The following UBE2N variants were observed in gnomAD, a reference collection of about 807,000 sequenced individuals.
UBE2N encodes ubiquitin conjugating enzyme E2 N.
For missense variants in UBE2N, 60 were observed against 192.1 expected, an observed-to-expected ratio of 0.31 and a Z score of 4.07; for synonymous variants, 70 against 69.2, an observed-to-expected ratio of 1.01 and a Z score of -0.06.
At chr12:93,439,606 G>A (rs1296959010) in intron 1 of UBE2N, among the ~76,000 whole-genome samples, 1 of 152,184 alleles carries the variant, frequency 6.6e-6, no homozygotes, top group African/African-American at 2.4e-5. Flanking sequence ...CCACCACACA[G>A]AAGTTTGTAT....
chr12:93,409,947 T>C lies in UBE2N; in HGVS notation c.*92A>G, dbSNP rs1877984804. Reference sequence around the variant, plus strand: ...ATGTCTGGGCTTTTTTATTCTGTAATGTTTCTAAGACTGTGTCCATTAAAT... The same window carrying C: ...ATGTCTGGGCTTTTTTATTCTGTAACGTTTCTAAGACTGTGTCCATTAAAT... On this transcript the variant is annotated 3_prime_UTR_variant, in exon 4 of 4. Coordinates refer to ENST00000318066, the MANE Select transcript of UBE2N (RefSeq NM_003348.4). 3 of 1,304,184 alleles carry C rather than the reference T, an allele frequency of 2.3e-6. No homozygotes were observed. Among genetic ancestry groups the C allele is most frequent in the South Asian group, 2.5e-5 (2 of 79,188 alleles). The allele number at this position is 1,304,184 out of a possible 1,614,324, so 80.8% of individuals were successfully genotyped here. A position where few individuals can be genotyped will look rare whatever the true frequency, so the allele number is the denominator to read the frequency against.
At chr12:93,424,303 A>C (rs1260768740) in intron 1 of UBE2N, 1 of 152,252 alleles carries the variant, frequency 6.6e-6, no homozygotes, top group African/African-American at 2.4e-5. Flanking sequence ...TTCTGGTTTC[A>C]AATGCAGCAA....
In UBE2N at chr12:93,416,446, T is replaced by C. The variant is rs563931727; in HGVS notation, c.31-5147A>G. Among the ~76,000 whole-genome samples the C allele has an allele frequency of 6.1e-4, 91 of 149,074 alleles. 2 individuals are homozygous for C. The highest frequency in any genetic ancestry group is 2.1e-3 in the African/African-American group (87 of 40,892). ...GCTAAAATTCCTACTGTTTCACTTA[T>C]CTATCTTTTTTTTTTTTTTTGAGAC... On this transcript the variant is annotated intron_variant, in intron 1 of 3. Transcript: ENST00000318066.
chr12:93,440,203 G>T (rs1398833443), intron 1 of UBE2N, among the ~76,000 whole-genome samples: 7 of 152,050 alleles, frequency 4.6e-5, no homozygotes, highest in Non-Finnish European at 1.0e-4. Flanking sequence ...TTGATGTATG[G>T]CTCTATCACT....
chr12:93,410,621 CT>C, intron 3 of UBE2N, 112 bp downstream of exon 3: 1 of 1,484,348 alleles, frequency 6.7e-7, no homozygotes, highest in Non-Finnish European at 9.1e-7. Context: ...CAGGATCTCA[CT>C]TATTATACTT....
At chr12:93,440,098 G>A (rs1879055612) in intron 1 of UBE2N, among the ~76,000 whole-genome samples, 1 of 152,162 alleles carries the variant, frequency 6.6e-6, no homozygotes, top group Non-Finnish European at 1.5e-5. Flanking sequence ...CGTGTTAAAT[G>A]TTTAGTTCAC....
intron 1 of UBE2N, among the ~76,000 whole-genome samples, chr12:93,437,296 T>A (rs1878962428): frequency 6.6e-6 from 1 of 151,490 alleles, no homozygotes. Context: ...TATAGTGTAC[T>A]ATGATCACGC....
At chr12:93,424,359 A>C (rs1466058562) in intron 1 of UBE2N, 1 of 152,238 alleles carries the variant, frequency 6.6e-6, no homozygotes, top group Non-Finnish European at 1.5e-5. Context: ...AGGTAAGGCA[A>C]GACAAGAACA....
chr12:93,429,098 C>G (rs1418427865), intron 1 of UBE2N, among the ~76,000 whole-genome samples: 1 of 151,874 alleles, frequency 6.6e-6, no homozygotes, highest in African/African-American at 2.4e-5. Flanking sequence ...GGTGAAACCC[C>G]GTCTCTACTA....
At chr12:93,413,713 T>C (rs921470520) in intron 1 of UBE2N, among the ~76,000 whole-genome samples, 74 of 152,292 alleles carry the variant, frequency 4.9e-4, no homozygotes, top group Non-Finnish European at 2.1e-4. Context: ...ATTCTACTCA[T>C]GATTGGACTG....
intron 1 of UBE2N, among the ~76,000 whole-genome samples, chr12:93,438,456 C>T (rs529012373): frequency 1.3e-5 from 2 of 152,214 alleles, no homozygotes; most frequent in African/African-American, 4.8e-5. Context: ...AGCTCAACCA[C>T]TTATTGTTCA....
chr12:93,413,890 G>A lies in UBE2N; in HGVS notation c.31-2591C>T, dbSNP rs951745891. Reference sequence around the variant, plus strand: ...AAAGTCATAGTCCTGAGCCGGGTGCGGTGGCTCACGCCTGTAATCCCAGCA... The same window carrying A: ...AAAGTCATAGTCCTGAGCCGGGTGCAGTGGCTCACGCCTGTAATCCCAGCA... On this transcript the variant is annotated intron_variant, in intron 1 of 3. Transcript: ENST00000318066. 5.9e-5 allele frequency among the ~76,000 whole-genome samples: 9 copies of A among 152,310 alleles called. No homozygotes were observed. In the South Asian group the frequency reaches 1.7e-3, roughly 28 times the overall value.
At chr12:93,410,906 C>T (rs1159631011) in intron 2 of UBE2N, 32 bp from the exon 3 acceptor site, 1 of 1,614,110 alleles carries the variant, frequency 6.2e-7, no homozygotes, top group Admixed American at 1.7e-5. Context: ...TATGATAAAG[C>T]ATGAAAAAAA....
Position 93,406,181 on chromosome 12 carries a change from T to C in UBE2N, c.*3858A>G, listed in dbSNP as rs1877801075. 6.9e-6 allele frequency: 1 copy of C among 143,976 alleles called. No individual in the cohort carries two copies. The highest frequency in any genetic ancestry group is 7.5e-5 in the Admixed American group (1 of 13,266). 8.9% of individuals were successfully genotyped at this position (143,976 alleles called of 1,614,324 possible). A position where few individuals can be genotyped will look rare whatever the true frequency, so the allele number is the denominator to read the frequency against. Reference sequence around the variant, plus strand: ...TCCTCAGGAGGCTGAGGCAGGAGAATCGCTTGAACGCGGGAGGCAGAACCT... The same window carrying C: ...TCCTCAGGAGGCTGAGGCAGGAGAACCGCTTGAACGCGGGAGGCAGAACCT... On this transcript the variant is annotated 3_prime_UTR_variant, in exon 4 of 4. Coordinates refer to ENST00000318066, the MANE Select transcript of UBE2N (RefSeq NM_003348.4).
Position 93,408,260 on chromosome 12 carries a change from T to C in UBE2N, c.*1779A>G, listed in dbSNP as rs1877924052. ...TGACAGCTGCTATCAGTTTTCAAATTTTACAATATTAGGGTTGTTAACTAT... is the reference window on the plus strand; with the variant it reads ...TGACAGCTGCTATCAGTTTTCAAATCTTACAATATTAGGGTTGTTAACTAT... On this transcript the variant is annotated 3_prime_UTR_variant, in exon 4 of 4. Transcript: ENST00000318066. 1 of 152,258 alleles carries C rather than the reference T, an allele frequency of 6.6e-6. No homozygotes were observed. Among genetic ancestry groups the C allele is most frequent in the Non-Finnish European group, 1.5e-5 (1 of 68,052 alleles). 9.4% of individuals were successfully genotyped at this position (152,258 alleles called of 1,614,324 possible).
chr12:93,408,520 A>C lies in UBE2N; in HGVS notation c.*1519T>G, dbSNP rs1450402630. 1 of 152,256 alleles carries C rather than the reference A, an allele frequency of 6.6e-6. No homozygotes were observed. The highest frequency in any genetic ancestry group is 1.5e-5 in the Non-Finnish European group (1 of 68,046). 9.4% of individuals were successfully genotyped at this position (152,256 alleles called of 1,614,324 possible). ...AATATCCATTACCTTAAACTGCAAGAGACAAGGTTGCAACCCGAAGGTTAA... is the reference window on the plus strand; with the variant it reads ...AATATCCATTACCTTAAACTGCAAGCGACAAGGTTGCAACCCGAAGGTTAA... On this transcript the variant is annotated 3_prime_UTR_variant, in exon 4 of 4. Transcript: ENST00000318066.
At position 93,409,866 on chromosome 12, in the gene UBE2N, GA is replaced by G. The variant is rs1281268838; in HGVS notation, c.*172del. The G allele has an allele frequency of 1.2e-5, 8 of 658,054 alleles. No homozygotes were observed. The highest frequency in any genetic ancestry group is 3.1e-5 in the Admixed American group (1 of 32,260). 40.8% of individuals were successfully genotyped at this position (658,054 alleles called of 1,614,324 possible). A position where few individuals can be genotyped will look rare whatever the true frequency, so the allele number is the denominator to read the frequency against. On this transcript the variant is annotated 3_prime_UTR_variant, in exon 4 of 4. Transcript: ENST00000318066. ...GCCTCTGCTCATGCTTTATGACAGT[GA>G]ATCAGGACAAGACATAGATTTGCTA...
chr12:93,410,345 T>C (rs1400822522), intron 3 of UBE2N: 3 of 491,026 alleles, frequency 6.1e-6, no homozygotes, highest in Non-Finnish European at 1.1e-5. Flanking sequence ...TTCTCCCCAC[T>C]AATTTTCTTA....
chr12:93,420,978 A>G (rs984305769), intron 1 of UBE2N, among the ~76,000 whole-genome samples: 10 of 152,188 alleles, frequency 6.6e-5, no homozygotes, highest in African/African-American at 2.4e-4. Flanking sequence ...CAGAGAATCA[A>G]TAAAAGAAAA....
Sources: gnomAD v4.1 joint callset for allele counts (sites outside exome capture counted in the v4.1 genomes callset) on GRCh38, gnomAD v4.1.1 for gene constraint, MANE v1.5 for transcripts, NCBI Gene and HGNC (gene_info 2026-07-23, HGNC 2026-07-21) for gene names.